The following NALF1 variants were observed in gnomAD, a reference collection of about 807,000 sequenced individuals.
NALF1 encodes the protein NALCN channel auxiliary factor 1.
A neutral mutation model predicts 48.4 loss-of-function variants in NALF1; 3 were observed. The ratio of observed to expected loss-of-function variants is 0.06; its 90% CI spans 0.03 to 0.16. The LOEUF (loss-of-function observed/expected upper bound fraction) is 0.16. NALF1 is among the 10% of genes least tolerant of loss of function. The pLI is 1.00. For missense variants in NALF1, 526 were observed against 571.5 expected (o/e 0.92, Z 0.81); for synonymous variants, 262 against 245.7 (o/e 1.07, Z -0.62).
intron 1 of NALF1, among the ~76,000 whole-genome samples, chr13:107,312,435 G>T (rs1267678543): frequency 1.3e-5 from 2 of 151,892 alleles, no homozygotes; most frequent in Non-Finnish European, 2.9e-5. Context: ...GGTGGGGGAA[G>T]GGGGGAGGGA....
chr13:107,650,581 GAGA>G (rs1196708601), intron 1 of NALF1, among the ~76,000 whole-genome samples: 2 of 151,898 alleles, frequency 1.3e-5, no homozygotes, highest in Admixed American at 6.6e-5. Context: ...GTGACTTGGG[GAGA>G]AGAAGAGAGG....
chr13:107,812,214 G>A (rs1879016912), intron 1 of NALF1, among the ~76,000 whole-genome samples: 1 of 152,078 alleles, frequency 6.6e-6, no homozygotes, highest in Non-Finnish European at 1.5e-5. Context: ...CATAAATGCT[G>A]ACATATCCAA....
chr13:107,803,757 A>G, intron 1 of NALF1, among the ~76,000 whole-genome samples: 1 of 152,206 alleles, frequency 6.6e-6, no homozygotes, highest in East Asian at 1.9e-4. Context: ...ATAAACGTTA[A>G]TGAGCACCAT....
intron 1 of NALF1, among the ~76,000 whole-genome samples, chr13:107,653,765 T>C (rs981538252): frequency 6.6e-6 from 1 of 151,962 alleles, no homozygotes; most frequent in African/African-American, 2.4e-5. Flanking sequence ...TTGACTCTCA[T>C]AGGGCTCCCC....
Position 107,296,560 on chromosome 13 carries a change from G to A in NALF1, c.916-85805C>T, listed in dbSNP as rs79387093. ...TCCTAGAAAAAAATATTTTATTCAA[G>A]CTCTTATTTCAAATTGTTGGTTTCA... On this transcript the variant is annotated intron_variant, in intron 1 of 2. Coordinates refer to ENST00000375915, the MANE Select transcript of NALF1 (RefSeq NM_001080396.3). Among the ~76,000 whole-genome samples, 41 of 152,230 alleles carry A rather than the reference G, an allele frequency of 2.7e-4. 1 individual carries two copies. In the East Asian group the frequency reaches 7.7e-3, roughly 29 times the overall value.
chr13:107,773,962 T>A (rs1471138776), intron 1 of NALF1, among the ~76,000 whole-genome samples: 1 of 152,140 alleles, frequency 6.6e-6, no homozygotes, highest in Non-Finnish European at 1.5e-5. Flanking sequence ...GTGTTTTTGA[T>A]CCTGCTGCAG....
intron 1 of NALF1, among the ~76,000 whole-genome samples, chr13:107,712,923 G>T (rs931014165): frequency 4.6e-5 from 7 of 152,202 alleles, no homozygotes; most frequent in Non-Finnish European, 7.3e-5. Context: ...CACTGAGTCT[G>T]AGGGTCCACC....
chr13:107,843,307 G>A (rs759588887), intron 1 of NALF1, among the ~76,000 whole-genome samples: 20 of 152,146 alleles, frequency 1.3e-4, no homozygotes, highest in Non-Finnish European at 2.5e-4. Flanking sequence ...AGGAAATAGC[G>A]TGAAGTCACA....
At chr13:107,300,384 A>G (rs1881814793) in intron 1 of NALF1, among the ~76,000 whole-genome samples, 1 of 152,170 alleles carries the variant, frequency 6.6e-6, no homozygotes, top group Non-Finnish European at 1.5e-5. Flanking sequence ...CAGGCCCAAG[A>G]TTTAATCAGA....
intron 1 of NALF1, among the ~76,000 whole-genome samples, chr13:107,759,478 G>A (rs1877205125): frequency 6.6e-6 from 1 of 152,204 alleles, no homozygotes; most frequent in Non-Finnish European, 1.5e-5. Context: ...ACAGTGCTGG[G>A]ATTACAGGCG....
At chr13:107,360,826 T>C (rs1566495318) in intron 1 of NALF1, among the ~76,000 whole-genome samples, 1 of 152,150 alleles carries the variant, frequency 6.6e-6, no homozygotes, top group East Asian at 1.9e-4. Context: ...TTCTAATCTA[T>C]AGCTGCCTAT....
intron 1 of NALF1, among the ~76,000 whole-genome samples, chr13:107,468,150 T>G (rs1885039701): frequency 6.6e-6 from 1 of 152,090 alleles, no homozygotes; most frequent in South Asian, 2.1e-4. Context: ...GGAAAGGCAC[T>G]TGATTATCGC....
chr13:107,355,943 T>C (rs900282062), intron 1 of NALF1, among the ~76,000 whole-genome samples: 5 of 152,188 alleles, frequency 3.3e-5, no homozygotes, highest in South Asian at 2.1e-4. Flanking sequence ...CATTTAATCA[T>C]TGATAAAGGT....
chr13:107,396,139 C>T (rs1012505833), intron 1 of NALF1, among the ~76,000 whole-genome samples: 1 of 152,100 alleles, frequency 6.6e-6, no homozygotes, highest in Non-Finnish European at 1.5e-5. Context: ...CTCACTGTGT[C>T]CTCCCGTGGC....
chr13:107,313,658 C>T (rs1594115996), intron 1 of NALF1, among the ~76,000 whole-genome samples: 1 of 152,242 alleles, frequency 6.6e-6, no homozygotes, highest in South Asian at 2.1e-4. Context: ...TTTTCTCTAC[C>T]TTAATATGCT....
chr13:107,644,479 T>G (rs1594180174), intron 1 of NALF1, among the ~76,000 whole-genome samples: 1 of 151,826 alleles, frequency 6.6e-6, no homozygotes, highest in East Asian at 1.9e-4. Flanking sequence ...AGACTGAACT[T>G]GAACCCATAT....
At chr13:107,485,952 C>A (rs1193409131) in intron 1 of NALF1, among the ~76,000 whole-genome samples, 1 of 152,106 alleles carries the variant, frequency 6.6e-6, no homozygotes, top group East Asian at 1.9e-4. Flanking sequence ...AGAAAACTTG[C>A]CCAGATCTCT....
intron 1 of NALF1, among the ~76,000 whole-genome samples, chr13:107,504,849 G>A (rs1449445137): frequency 6.6e-6 from 1 of 152,142 alleles, no homozygotes; most frequent in African/African-American, 2.4e-5. Context: ...GAGCCCTCAT[G>A]TCTCCTTAAA....
At chr13:107,280,429 A>G (rs1457868493) in intron 1 of NALF1, among the ~76,000 whole-genome samples, 1 of 152,190 alleles carries the variant, frequency 6.6e-6, no homozygotes, top group Non-Finnish European at 1.5e-5. Flanking sequence ...TCTTTTCACC[A>G]ATACTGTGAT....
Sources: allele counts gnomAD v4.1 joint callset (sites outside exome capture counted in the v4.1 genomes callset), GRCh38; gene constraint gnomAD v4.1.1; transcripts MANE v1.5; gene names NCBI Gene and HGNC (gene_info 2026-07-23, HGNC 2026-07-21).